Variants in MPP7 observed in about 807,000 individuals in gnomAD.
The protein encoded by MPP7 is MAGUK p55 subfamily member 7.
Under a neutral mutation model 76.5 loss-of-function variants are expected in MPP7, and 60 were observed. That is an observed-to-expected ratio of 0.78 (90% CI 0.64 to 0.97). The LOEUF (loss-of-function observed/expected upper bound fraction) is 0.97, where lower values mean the gene tolerates loss of function less well. Among genes scored for constraint, MPP7 ranks in the 50% least tolerant of loss-of-function variants. The probability of loss-of-function intolerance (pLI) is 0.00; values close to 1 mark genes in which losing one functional copy is unlikely to be tolerated. For synonymous variants in MPP7, 237 were observed against 244.5 expected (o/e 0.97, Z 0.29); for missense variants, 641 against 694.0 (o/e 0.92, Z 0.86).
At chr10:28,236,027 C>T (rs1476963937) in intron 2 of MPP7, among the ~76,000 whole-genome samples, 1 of 152,138 alleles carries the variant, frequency 6.6e-6, no homozygotes, top group East Asian at 1.9e-4. Context: ...ACTAGTAACG[C>T]ACATTTCACA....
intron 5 of MPP7, among the ~76,000 whole-genome samples, chr10:28,137,740 G>T (rs1835392360): frequency 6.6e-6 from 1 of 152,080 alleles, no homozygotes; most frequent in African/African-American, 2.4e-5. Context: ...CTTTAAAAAG[G>T]CAATACTTAA....
intron 6 of MPP7, 142 bp downstream of exon 6, chr10:28,131,418 C>CATGTTCTTT: frequency 1.6e-6 from 1 of 637,184 alleles, no homozygotes; most frequent in Non-Finnish European, 2.2e-6. Flanking sequence ...TTTTCAAAAG[C>CATGTTCTTT]ATGTTCTTTA....
intron 11 of MPP7, among the ~76,000 whole-genome samples, chr10:28,101,838 G>T (rs967894787): frequency 6.6e-6 from 1 of 150,984 alleles, no homozygotes; most frequent in African/African-American, 2.4e-5. Flanking sequence ...AATGCTGATG[G>T]TTCGACCATC....
At chr10:28,251,908 TAAC>T (rs1355131140) in intron 1 of MPP7, among the ~76,000 whole-genome samples, 1 of 151,758 alleles carries the variant, frequency 6.6e-6, no homozygotes, top group Non-Finnish European at 1.5e-5. Flanking sequence ...TATGTATACT[TAAC>T]AACAACAAAA....
At chr10:28,130,709 G>A (rs750041927) in intron 6 of MPP7, among the ~76,000 whole-genome samples, 2 of 152,092 alleles carry the variant, frequency 1.3e-5, no homozygotes, top group Non-Finnish European at 2.9e-5. Flanking sequence ...ACTAACAAAT[G>A]TCATTTGACT....
chr10:28,301,776 A>C (rs1841161178), intron 1 of MPP7, among the ~76,000 whole-genome samples: 1 of 152,170 alleles, frequency 6.6e-6, no homozygotes. Flanking sequence ...AAATGGAAAT[A>C]CTGTTTTTAT....
chr10:28,124,726 A>G (rs927465298), intron 7 of MPP7, among the ~76,000 whole-genome samples: 9 of 150,732 alleles, frequency 6.0e-5, no homozygotes, highest in Non-Finnish European at 8.9e-5. Flanking sequence ...CTCGTGATCC[A>G]CCCGCCTTGG....
intron 1 of MPP7, chr10:28,254,895 A>G (rs1012205698): frequency 2.6e-5 from 4 of 152,178 alleles, no homozygotes; most frequent in African/African-American, 9.7e-5. Flanking sequence ...AATTAAAGGG[A>G]AAACTACTGA....
At chr10:28,318,092 C>T (rs1229526236) in intron 2 of MPP7, among the ~76,000 whole-genome samples, 1 of 152,132 alleles carries the variant, frequency 6.6e-6, no homozygotes, top group Non-Finnish European at 1.5e-5. Flanking sequence ...ACTTTCATGC[C>T]TCACTATATA....
chr10:28,151,549 C>A (rs1293664073), intron 3 of MPP7, among the ~76,000 whole-genome samples: 3 of 152,152 alleles, frequency 2.0e-5, no homozygotes, highest in African/African-American at 7.2e-5. Context: ...TGCTTCCCTG[C>A]TATAATAAAC....
At chr10:28,238,872 C>T in intron 1 of MPP7, 137 bp from the exon 2 acceptor site, 1 of 450,466 alleles carries the variant, frequency 2.2e-6, no homozygotes, top group South Asian at 4.1e-5. Context: ...CTACAGACCA[C>T]ATGCAAGTAC....
At chr10:28,167,894 T>C (rs1313895500) in intron 3 of MPP7, among the ~76,000 whole-genome samples, 2 of 152,314 alleles carry the variant, frequency 1.3e-5, no homozygotes, top group African/African-American at 2.4e-5. Context: ...CCTAAGTGAA[T>C]AGCTAGCTCA....
At chr10:28,328,190 C>T (rs957948720) in intron 2 of MPP7, among the ~76,000 whole-genome samples, 4 of 152,110 alleles carry the variant, frequency 2.6e-5, no homozygotes, top group Non-Finnish European at 5.9e-5. Context: ...AAATAAAAAT[C>T]TAATTACAAC....
intron 2 of MPP7, among the ~76,000 whole-genome samples, chr10:28,236,216 A>C (rs1303268015): frequency 7.2e-5 from 11 of 152,182 alleles, no homozygotes; most frequent in Admixed American, 7.2e-4. Context: ...CCCTTCCAAA[A>C]TATTTACAAA....
chr10:28,065,183 T>C (rs985491941), intron 13 of MPP7, among the ~76,000 whole-genome samples: 3 of 152,228 alleles, frequency 2.0e-5, no homozygotes, highest in Non-Finnish European at 4.4e-5. Context: ...TATTCAATTA[T>C]GATGGCAGGA....
intron 3 of MPP7, among the ~76,000 whole-genome samples, chr10:28,162,139 A>C (rs1288802777): frequency 6.6e-6 from 1 of 152,220 alleles, no homozygotes; most frequent in East Asian, 1.9e-4. Flanking sequence ...GGATACAAAG[A>C]CAACTCTCTG....
chr10:28,178,298 T>C (rs1466535535), intron 3 of MPP7, among the ~76,000 whole-genome samples: 1 of 152,000 alleles, frequency 6.6e-6, no homozygotes. Context: ...ACCACTGTTC[T>C]ACAGAGATTC....
chr10:28,089,681 AACG>A lies in MPP7; in HGVS notation c.1110_1112del (p.Val372del), dbSNP rs1391918230. 1 of 1,612,204 alleles carries A rather than the reference AACG, an allele frequency of 6.2e-7. No homozygotes were observed. On this transcript the variant is annotated inframe_deletion, in exon 12 of 17. Coordinates refer to ENST00000683449, the MANE Select transcript of MPP7 (RefSeq NM_001318170.2). ...GAAACAAGCACTTACCAACCAAGAC[AACG>A]AGTCTGTATTTTTCATTAGTTTGTC... is the stretch of plus-strand genomic sequence containing the variant.
intron 2 of MPP7, among the ~76,000 whole-genome samples, chr10:28,311,376 C>A (rs1285962792): frequency 1.3e-5 from 2 of 152,072 alleles, no homozygotes; most frequent in African/African-American, 4.8e-5. Flanking sequence ...CTCATGAATA[C>A]CTCTATACCA....
Sources: allele counts gnomAD v4.1 joint callset (sites outside exome capture counted in the v4.1 genomes callset), GRCh38; gene constraint gnomAD v4.1.1; transcripts MANE v1.5; gene names NCBI Gene and HGNC (gene_info 2026-07-23, HGNC 2026-07-21).